Variants in ATP6V0A4 observed in about 807,000 individuals in gnomAD.
ATP6V0A4 encodes the protein ATPase H+ transporting V0 subunit a4.
In ATP6V0A4, 86 loss-of-function variants were observed where a neutral mutation model predicts 107.3. The observed-to-expected ratio is 0.80, with a 90% CI of 0.67 to 0.96. The LOEUF (loss-of-function observed/expected upper bound fraction) is 0.96. Among genes scored for constraint, ATP6V0A4 ranks in the 40% least tolerant of loss-of-function variants. The probability of loss-of-function intolerance (pLI) is 0.00; values close to 1 mark genes in which losing one functional copy is unlikely to be tolerated. For missense variants in ATP6V0A4, 908 were observed against 1,045.6 expected (o/e 0.87, Z 1.81); for synonymous variants, 353 against 381.4 (o/e 0.93, Z 0.87).
intron 17 of ATP6V0A4, among the ~76,000 whole-genome samples, chr7:138,732,021 G>T (rs1481061903): frequency 6.6e-6 from 1 of 152,134 alleles, no homozygotes; most frequent in Non-Finnish European, 1.5e-5. Flanking sequence ...GGGATGAACT[G>T]TCTCTGGAAG....
chr7:138,738,513 GACA>G (rs1292488427), intron 15 of ATP6V0A4, among the ~76,000 whole-genome samples: 4 of 152,110 alleles, frequency 2.6e-5, no homozygotes, highest in Non-Finnish European at 4.4e-5. Context: ...TTTGACCAAG[GACA>G]ACGTCTTGCA....
intron 8 of ATP6V0A4, among the ~76,000 whole-genome samples, chr7:138,759,270 G>T (rs553042616): frequency 6.6e-6 from 1 of 151,512 alleles, no homozygotes; most frequent in South Asian, 2.1e-4. Flanking sequence ...GCCCAGGCTG[G>T]TCTCAATCCC....
At chr7:138,760,466 A>G (rs1421360285) in intron 7 of ATP6V0A4, among the ~76,000 whole-genome samples, 11 of 151,340 alleles carry the variant, frequency 7.3e-5, no homozygotes, top group Admixed American at 3.3e-4. Context: ...AAAAAAAAAG[A>G]ATATGATAGA....
At chr7:138,730,948 T>C (rs1804979527) in intron 17 of ATP6V0A4, among the ~76,000 whole-genome samples, 1 of 150,224 alleles carries the variant, frequency 6.7e-6, no homozygotes, top group Non-Finnish European at 1.5e-5. Context: ...TATTTTTTTT[T>C]TTGAGACAGA....
intron 10 of ATP6V0A4, among the ~76,000 whole-genome samples, chr7:138,753,322 G>A (rs990016786): frequency 3.3e-5 from 5 of 152,328 alleles, no homozygotes; most frequent in Admixed American, 2.6e-4. Context: ...TGCGGAGGAC[G>A]GCCCGCAGCA....
Position 138,773,408 on chromosome 7 carries a change from C to A in ATP6V0A4, c.-17-2144G>T, listed in dbSNP as rs374338746. On this transcript the variant is annotated intron_variant, in intron 2 of 21. Coordinates refer to ENST00000310018, the MANE Select transcript of ATP6V0A4 (RefSeq NM_020632.3). This position sits in a 1 kb window ranked among gnomAD's most constrained non-coding sequence, Gnocchi z 5.4. Reference sequence around the variant, plus strand: ...TGTAAGGATCTTCTTCCTCCACAAGCCTTCCCTGACACCTCCAGCTCCCTC... The same window carrying A: ...TGTAAGGATCTTCTTCCTCCACAAGACTTCCCTGACACCTCCAGCTCCCTC... Among the ~76,000 whole-genome samples, 3 of 152,192 alleles carry A rather than the reference C, an allele frequency of 2.0e-5. No homozygotes were observed. The highest frequency in any genetic ancestry group is 2.0e-4 in the Admixed American group (3 of 15,284).
rs1805856843 is a variant in ATP6V0A4, at chr7:138,745,285, C to T, written c.1321-5G>A. The T allele has an allele frequency of 1.2e-6, 2 of 1,613,896 alleles. No individual in the cohort carries two copies. The highest frequency in any genetic ancestry group is 1.7e-6 in the Non-Finnish European group (2 of 1,179,944). ...GTGGAAGAAGGTGTTCCAAATCTGGCCTCAGAGAGACAGAGAGGATGATTG... is the reference window on the plus strand; with the variant it reads ...GTGGAAGAAGGTGTTCCAAATCTGGTCTCAGAGAGACAGAGAGGATGATTG... On this transcript the variant is annotated splice_region_variant and splice_polypyrimidine_tract_variant and intron_variant, in intron 13 of 21. Coordinates refer to ENST00000310018, the MANE Select transcript of ATP6V0A4 (RefSeq NM_020632.3).
At chr7:138,733,637 G>A (rs1013706560) in intron 16 of ATP6V0A4, among the ~76,000 whole-genome samples, 3 of 135,942 alleles carry the variant, frequency 2.2e-5, no homozygotes, top group Admixed American at 8.4e-5. Flanking sequence ...GGAGTGCAGC[G>A]ATACAATCTT....
chr7:138,772,306 T>C lies in ATP6V0A4; in HGVS notation c.-17-1042A>G, dbSNP rs576814542. ...AACAAGAATGTTTCTTATAATATTG[T>C]ATGTAATAATTATAGTAAATGGCTG... On this transcript the variant is annotated intron_variant, in intron 2 of 21. Transcript: ENST00000310018. 5.9e-5 allele frequency among the ~76,000 whole-genome samples: 9 copies of C among 152,334 alleles called. 1 individual carries two copies. In the South Asian group the frequency reaches 1.9e-3, roughly 32 times the overall value.
chr7:138,724,371 G>C (rs1156465540), intron 18 of ATP6V0A4, among the ~76,000 whole-genome samples: 1 of 152,090 alleles, frequency 6.6e-6, no homozygotes, highest in African/African-American at 2.4e-5. Flanking sequence ...ATATCATGAG[G>C]GCCTTGTATG....
intron 2 of ATP6V0A4, among the ~76,000 whole-genome samples, chr7:138,776,856 G>A (rs1807680795): frequency 6.6e-6 from 1 of 152,146 alleles, no homozygotes; most frequent in South Asian, 2.1e-4. Flanking sequence ...CTTAGAAAGT[G>A]GAAGTATAGG....
intron 2 of ATP6V0A4, among the ~76,000 whole-genome samples, chr7:138,772,040 G>A (rs539096117): frequency 2.4e-4 from 36 of 152,314 alleles, no homozygotes; most frequent in Admixed American, 1.8e-3. Flanking sequence ...ACCAACTCTG[G>A]ATTCCAGAAT....
intron 2 of ATP6V0A4, among the ~76,000 whole-genome samples, chr7:138,784,241 T>TATATAC (rs1245059618): frequency 0.053 from 2,099 of 39,372 alleles, 144 homozygotes; most frequent in African/African-American, 0.15. Context: ...TATACGTATA[T>TATATAC]ATATATATAT....
chr7:138,796,023 T>C (rs559099808), intron 1 of ATP6V0A4, among the ~76,000 whole-genome samples: 2 of 152,160 alleles, frequency 1.3e-5, no homozygotes, highest in East Asian at 1.9e-4. Flanking sequence ...CTTGGAAATC[T>C]TGGGGATTCC....
rs1255402838 is a variant in ATP6V0A4 at position 138,734,405 on chromosome 7, C to G, written c.1573-151G>C. Reference sequence around the variant, plus strand: ...CAGCTCAATGCATACATTTTAGAGTCCAAAAAGGAAAAAAGGATGAAACCC... The same window carrying G: ...CAGCTCAATGCATACATTTTAGAGTGCAAAAAGGAAAAAAGGATGAAACCC... On this transcript the variant is annotated intron_variant, in intron 15 of 21. Transcript: ENST00000310018. 2.3e-6 allele frequency: 3 copies of G among 1,284,502 alleles called. No homozygotes were observed. In the East Asian group the frequency reaches 7.6e-5, roughly 32 times the overall value. The allele number at this position is 1,284,502 out of a possible 1,614,324, so 79.6% of individuals were successfully genotyped here. A position where few individuals can be genotyped will look rare whatever the true frequency, so the allele number is the denominator to read the frequency against.
chr7:138,750,921 C>G (rs1180510899), intron 11 of ATP6V0A4, among the ~76,000 whole-genome samples: 1 of 152,094 alleles, frequency 6.6e-6, no homozygotes, highest in Admixed American at 6.5e-5. Flanking sequence ...TTTATCTGTA[C>G]GAAGGGGATA....
intron 2 of ATP6V0A4, among the ~76,000 whole-genome samples, chr7:138,785,380 A>T (rs986941444): frequency 3.3e-5 from 5 of 149,470 alleles, no homozygotes; most frequent in African/African-American, 1.2e-4. Flanking sequence ...GATTCAAGTG[A>T]TTCTCCTGCC....
chr7:138,765,914 T>A (rs953121214), intron 5 of ATP6V0A4, among the ~76,000 whole-genome samples: 2 of 152,086 alleles, frequency 1.3e-5, no homozygotes, highest in Non-Finnish European at 2.9e-5. Flanking sequence ...CACACCCAGC[T>A]GATTATTTTT....
intron 19 of ATP6V0A4, among the ~76,000 whole-genome samples, chr7:138,720,991 T>C (rs1273003822): frequency 1.3e-5 from 2 of 152,198 alleles, no homozygotes; most frequent in Non-Finnish European, 2.9e-5. Context: ...GAGCCATTTA[T>C]AGCATCTGTG....
Sources: gnomAD v4.1 joint callset for allele counts (sites outside exome capture counted in the v4.1 genomes callset) on GRCh38, gnomAD v4.1.1 for gene constraint, Gnocchi (gnomAD v3.1) non-coding constraint, MANE v1.5 for transcripts, NCBI Gene and HGNC (gene_info 2026-07-23, HGNC 2026-07-21) for gene names.